The following NPHP4 variants were observed in gnomAD, a reference collection of about 807,000 sequenced individuals.
NPHP4 encodes nephrocystin-4.
A neutral mutation model predicts 155.8 loss-of-function variants in NPHP4; 151 were observed. That is an observed-to-expected ratio of 0.97 (90% CI 0.85 to 1.11). NPHP4 has a LOEUF of 1.11. NPHP4 is among the 50% of genes least tolerant of loss of function. The pLI is 0.00. For missense variants in NPHP4, 1,956 were observed against 1,925.7 expected (o/e 1.02, Z -0.29); for synonymous variants, 845 against 816.8 (o/e 1.03, Z -0.59).
intron 16 of NPHP4, among the ~76,000 whole-genome samples, chr1:5,901,187 T>C (rs992506903): frequency 6.6e-6 from 1 of 152,196 alleles, no homozygotes; most frequent in Admixed American, 6.5e-5. Context: ...TCTAAAAAAA[T>C]AAAATTACTA....
At chr1:5,881,941 G>A (rs560758808) in intron 18 of NPHP4, 6 of 152,398 alleles carry the variant, frequency 3.9e-5, no homozygotes, top group East Asian at 1.9e-4. Context: ...TACTGTCTGC[G>A]CACGAGCACA....
At chr1:5,865,066 G>A (rs1641062098) in intron 27 of NPHP4, 36 bp downstream of exon 27, 3 of 1,601,352 alleles carry the variant, frequency 1.9e-6, no homozygotes, top group Non-Finnish European at 2.6e-6. Flanking sequence ...GCTGGGGTTG[G>A]GGAGAGGCTC....
At chr1:5,960,816 C>T (rs1650180895) in intron 6 of NPHP4, among the ~76,000 whole-genome samples, 1 of 152,136 alleles carries the variant, frequency 6.6e-6, no homozygotes, top group Non-Finnish European at 1.5e-5. Context: ...AATTCCACCA[C>T]CAGAGAATCA....
chr1:5,930,255 G>A (rs190019678), intron 10 of NPHP4, among the ~76,000 whole-genome samples: 35 of 152,098 alleles, frequency 2.3e-4, no homozygotes, highest in Non-Finnish European at 4.6e-4. Context: ...GTTTCACTGG[G>A]TTTTTGCTAT....
At chr1:5,884,261 C>T (rs569236393) in intron 18 of NPHP4, among the ~76,000 whole-genome samples, 21 of 152,266 alleles carry the variant, frequency 1.4e-4, no homozygotes, top group Admixed American at 3.9e-4. Context: ...AGCCCGCCAC[C>T]GCCAACCGTG....
chr1:5,884,703 A>T (rs1341798648), intron 18 of NPHP4, among the ~76,000 whole-genome samples: 2 of 118,480 alleles, frequency 1.7e-5, no homozygotes, highest in Non-Finnish European at 3.4e-5. Flanking sequence ...CACAACCAAG[A>T]TCACTGCCCA....
At chr1:5,988,527 A>G (rs1177080285) in intron 1 of NPHP4, among the ~76,000 whole-genome samples, 2 of 152,252 alleles carry the variant, frequency 1.3e-5, no homozygotes, top group African/African-American at 4.8e-5. Flanking sequence ...AAATAAATTA[A>G]TATTTTTAAC....
At chr1:5,911,699 GCCCAGACC>G (rs1645186731) in intron 11 of NPHP4, among the ~76,000 whole-genome samples, 1 of 152,094 alleles carries the variant, frequency 6.6e-6, no homozygotes, top group Admixed American at 6.5e-5. Flanking sequence ...CTGGTGGGAA[GCCCAGACC>G]CCCAGGGCCC....
intron 3 of NPHP4, among the ~76,000 whole-genome samples, chr1:5,976,439 G>A (rs1653598358): frequency 6.6e-6 from 1 of 152,190 alleles, no homozygotes; most frequent in Admixed American, 6.5e-5. Flanking sequence ...ATCTGAGAAA[G>A]CTAAAGCTAA....
rs546178693 is a variant in NPHP4, at chr1:5,941,631, GA to G, written c.1119+5472del. On this transcript the variant is annotated intron_variant, in intron 9 of 29. Transcript: ENST00000378156. Reference sequence around the variant, plus strand: ...AATGGGCAAAATAAGTAGAGATGAAGATGAGCCTGAAGCATCTTCTGAAGCC... The same window carrying G: ...AATGGGCAAAATAAGTAGAGATGAAGTGAGCCTGAAGCATCTTCTGAAGCC... Among the ~76,000 whole-genome samples, 34 of 152,294 alleles carry G rather than the reference GA, an allele frequency of 2.2e-4. No homozygotes were observed. The East Asian group carries it at 6.6e-3, about 29-fold the overall frequency.
chr1:5,917,153 CT>C (rs1368601214), intron 11 of NPHP4, among the ~76,000 whole-genome samples: 19 of 152,142 alleles, frequency 1.2e-4, no homozygotes, highest in African/African-American at 4.3e-4. Flanking sequence ...CCTCCCAGCC[CT>C]TAACCATACA....
At chr1:5,981,157 A>ACCTCCT (rs996549430) in intron 2 of NPHP4, among the ~76,000 whole-genome samples, 9 of 151,274 alleles carry the variant, frequency 5.9e-5, no homozygotes, top group Admixed American at 3.3e-4. Context: ...CAGCACCGCC[A>ACCTCCT]CCTCCTCCTC....
intron 3 of NPHP4, among the ~76,000 whole-genome samples, chr1:5,972,088 G>A (rs985786267): frequency 3.9e-5 from 6 of 152,252 alleles, no homozygotes; most frequent in Non-Finnish European, 4.4e-5. Context: ...GGCCGCAGCC[G>A]GGCACCCCCC....
chr1:5,979,869 G>A (rs551428590), intron 2 of NPHP4, among the ~76,000 whole-genome samples: 9 of 152,208 alleles, frequency 5.9e-5, no homozygotes, highest in East Asian at 3.9e-4. Context: ...CCTCAGTGAC[G>A]AGATAAGACT....
intron 11 of NPHP4, among the ~76,000 whole-genome samples, chr1:5,926,529 A>G (rs758321731): frequency 6.6e-6 from 1 of 152,178 alleles, no homozygotes; most frequent in Non-Finnish European, 1.5e-5. Context: ...ATTACTCCCT[A>G]AACAGTACAA....
Position 5,910,022 on chromosome 1 carries a change from C to T in NPHP4, c.1442-809G>A, listed in dbSNP as rs773691486. On this transcript the variant is annotated intron_variant, in intron 11 of 29. Coordinates refer to ENST00000378156, the MANE Select transcript of NPHP4 (RefSeq NM_015102.5). This position sits in a 1 kb window ranked among gnomAD's most constrained non-coding sequence, Gnocchi z 5.4. ...GCACCTCAGCAGGAGGAAGCCCCAG[C>T]ATCGCTGGAGTCTCTGAAACCCACC... Among the ~76,000 whole-genome samples, 8 of 152,198 alleles carry T rather than the reference C, an allele frequency of 5.3e-5. No homozygotes were observed. The highest frequency in any genetic ancestry group is 1.2e-4 in the Non-Finnish European group (8 of 68,030).
Position 5,964,941 on chromosome 1 carries a change from A to ATATATTTTTTTTTT in NPHP4, c.517+2357_517+2358insAAAAAAAAAATATA. Among the ~76,000 whole-genome samples, 16 of 59,400 alleles carry ATATATTTTTTTTTT rather than the reference A, an allele frequency of 2.7e-4. 1 individual carries two copies. Among genetic ancestry groups the ATATATTTTTTTTTT allele is most frequent in the South Asian group, 5.2e-4 (1 of 1,914 alleles). 39.0% of individuals were successfully genotyped at this position (59,400 alleles called of 152,430 possible). ...ATTATATATATATATATATATATAT[A>ATATATTTTTTTTTT]TTTTTTTTTTTTGAGGCAGGGTCTC... On this transcript the variant is annotated intron_variant, in intron 5 of 29. Transcript: ENST00000378156.
intron 18 of NPHP4, chr1:5,880,533 CTTCTG>C (rs1643174458): frequency 2.6e-6 from 1 of 383,006 alleles, no homozygotes. Context: ...TGGATTCTTA[CTTCTG>C]GATCTCTGGG....
chr1:5,927,793 A>G lies in NPHP4; in HGVS notation c.1303-6T>C, dbSNP rs368753607. On this transcript the variant is annotated splice_polypyrimidine_tract_variant and splice_region_variant and intron_variant, in intron 10 of 29. Transcript: ENST00000378156. Reference sequence around the variant, plus strand: ...CCCGACTCCACCTGCTTCACCTGCAATGGACCAGAAGAGCAGTGATGGCCA... The same window carrying G: ...CCCGACTCCACCTGCTTCACCTGCAGTGGACCAGAAGAGCAGTGATGGCCA... The G allele has an allele frequency of 2.7e-5, 44 of 1,608,444 alleles. No homozygotes were observed. The highest frequency in any genetic ancestry group is 3.7e-5 in the Non-Finnish European group (43 of 1,175,436).
Sources: gnomAD v4.1 joint callset for allele counts (sites outside exome capture counted in the v4.1 genomes callset) on GRCh38, gnomAD v4.1.1 for gene constraint, Gnocchi (gnomAD v3.1) non-coding constraint, MANE v1.5 for transcripts, NCBI Gene and HGNC (gene_info 2026-07-23, HGNC 2026-07-21) for gene names.